PLCL1: variants seen among roughly 807,000 people sequenced by gnomAD.
PLCL1 encodes the protein phospholipase C like 1 (inactive).
Under a neutral mutation model 84.4 loss-of-function variants are expected in PLCL1, and 41 were observed. That is an observed-to-expected ratio of 0.49 (90% CI 0.38 to 0.63). PLCL1 has a LOEUF of 0.63. Among genes scored for constraint, PLCL1 ranks in the 30% least tolerant of loss-of-function variants. The pLI, the probability that PLCL1 is intolerant of heterozygous loss-of-function variation, is 0.00. For missense variants in PLCL1, 1,206 were observed against 1,367.8 expected (o/e 0.88, Z 1.87); for synonymous variants, 490 against 488.3 (o/e 1.00, Z -0.05).
chr2:198,017,993 C>A (rs1379724467), intron 1 of PLCL1, among the ~76,000 whole-genome samples: 1 of 152,180 alleles, frequency 6.6e-6, no homozygotes, highest in African/African-American at 2.4e-5. Context: ...GAGACCAACA[C>A]AGAAGGCGGG....
intron 1 of PLCL1, among the ~76,000 whole-genome samples, chr2:197,885,517 C>A (rs1687904713): frequency 6.6e-6 from 1 of 152,150 alleles, no homozygotes; most frequent in African/African-American, 2.4e-5. Flanking sequence ...TTTACCGAGT[C>A]CACTGATTCC....
At chr2:198,051,882 G>A (rs1315624444) in intron 1 of PLCL1, among the ~76,000 whole-genome samples, 1 of 151,404 alleles carries the variant, frequency 6.6e-6, no homozygotes, top group Non-Finnish European at 1.5e-5. Context: ...ACAGGCATGT[G>A]CCACCACGGC....
chr2:198,127,718 G>A (rs759790335), intron 5 of PLCL1, among the ~76,000 whole-genome samples: 59 of 152,082 alleles, frequency 3.9e-4, no homozygotes, highest in Non-Finnish European at 8.2e-4. Flanking sequence ...GAATGACTTA[G>A]GTGCAAATCT....
At chr2:197,845,310 A>C (rs1019294121) in intron 1 of PLCL1, among the ~76,000 whole-genome samples, 1 of 152,098 alleles carries the variant, frequency 6.6e-6, no homozygotes, top group African/African-American at 2.4e-5. Context: ...TGTGTAATTG[A>C]AGAGGGGTAA....
At chr2:197,964,367 A>T (rs1185702841) in intron 1 of PLCL1, among the ~76,000 whole-genome samples, 2 of 152,078 alleles carry the variant, frequency 1.3e-5, no homozygotes, top group Non-Finnish European at 2.9e-5. Context: ...GCTAATATAA[A>T]TGGGATTGCT....
intron 1 of PLCL1, among the ~76,000 whole-genome samples, chr2:198,053,522 C>T (rs910246954): frequency 1.3e-5 from 2 of 152,220 alleles, no homozygotes; most frequent in Non-Finnish European, 2.9e-5. Flanking sequence ...TGTTAGCCTC[C>T]GGGTTGCCTC....
chr2:197,933,242 G>A lies in PLCL1; in HGVS notation c.240+127903G>A, dbSNP rs185421531. On this transcript the variant is annotated intron_variant, in intron 1 of 5. Transcript: ENST00000428675. ...TTCCTGACTCCCATCTGATGTTTGT[G>A]TTGTTTCTTTTTTTTTTCTTTTCTT... Among the ~76,000 whole-genome samples the A allele has an allele frequency of 4.5e-4, 66 of 145,426 alleles. No individual in the cohort carries two copies. The East Asian group carries it at 0.011, about 24-fold the overall frequency.
intron 1 of PLCL1, among the ~76,000 whole-genome samples, chr2:197,913,540 T>A (rs1435904277): frequency 2.0e-5 from 3 of 152,224 alleles, no homozygotes; most frequent in African/African-American, 4.8e-5. Context: ...CCACTACGCA[T>A]TCCCCTACCA....
chr2:198,142,009 TCTC>T (rs1694399596), intron 5 of PLCL1, among the ~76,000 whole-genome samples: 1 of 152,152 alleles, frequency 6.6e-6, no homozygotes, highest in African/African-American at 2.4e-5. Flanking sequence ...GTTATGATGT[TCTC>T]CTGCTCTTTT....
At chr2:197,945,558 G>A (rs1323057744) in intron 1 of PLCL1, among the ~76,000 whole-genome samples, 2 of 152,160 alleles carry the variant, frequency 1.3e-5, no homozygotes, top group Admixed American at 1.3e-4. Context: ...TAACATAGTG[G>A]TGAAGGCATG....
chr2:198,017,183 A>G (rs1574249058), intron 1 of PLCL1, among the ~76,000 whole-genome samples: 2 of 152,220 alleles, frequency 1.3e-5, no homozygotes, highest in Non-Finnish European at 2.9e-5. Flanking sequence ...CCCATTTAAC[A>G]TGCTCCAAAA....
intron 1 of PLCL1, among the ~76,000 whole-genome samples, chr2:198,015,235 GT>G: frequency 6.6e-6 from 1 of 151,868 alleles, no homozygotes; most frequent in African/African-American, 2.4e-5. Context: ...TTTCTATCTT[GT>G]TCATTTTAGG....
At chr2:197,872,552 TA>T (rs1687666363) in intron 1 of PLCL1, among the ~76,000 whole-genome samples, 1 of 152,170 alleles carries the variant, frequency 6.6e-6, no homozygotes, top group Admixed American at 6.5e-5. Flanking sequence ...TACCATTTAC[TA>T]GATTGTGATC....
chr2:198,098,145 G>A (rs997763484), intron 3 of PLCL1, among the ~76,000 whole-genome samples: 1 of 152,140 alleles, frequency 6.6e-6, no homozygotes, highest in Non-Finnish European at 1.5e-5. Context: ...TAGAAGGAAA[G>A]TAAGAGCTAG....
intron 1 of PLCL1, among the ~76,000 whole-genome samples, chr2:197,943,374 A>G (rs1038411945): frequency 2.0e-5 from 3 of 152,212 alleles, no homozygotes; most frequent in South Asian, 4.1e-4. Flanking sequence ...ACACACATAC[A>G]TATTTCTTCA....
chr2:197,899,784 C>G (rs1037003545), intron 1 of PLCL1, among the ~76,000 whole-genome samples: 2 of 151,458 alleles, frequency 1.3e-5, no homozygotes, highest in Non-Finnish European at 2.9e-5. Context: ...TACAGGCGCC[C>G]GCTACCACGC....
intron 1 of PLCL1, among the ~76,000 whole-genome samples, chr2:197,894,808 T>G (rs1688101499): frequency 6.6e-6 from 1 of 151,990 alleles, no homozygotes; most frequent in Admixed American, 6.6e-5. Flanking sequence ...TGGAGTCAGA[T>G]GGACTTGTGC....
chr2:197,864,220 C>A (rs1484305749), intron 1 of PLCL1, among the ~76,000 whole-genome samples: 1 of 152,022 alleles, frequency 6.6e-6, no homozygotes, highest in East Asian at 1.9e-4. Context: ...CTGTCCCCTG[C>A]CAATTTCAGT....
chr2:198,118,832 C>G (rs555802101), intron 5 of PLCL1, among the ~76,000 whole-genome samples: 14 of 152,120 alleles, frequency 9.2e-5, no homozygotes, highest in African/African-American at 3.4e-4. Flanking sequence ...ATTTTTCTGT[C>G]TCTAACCTTT....
Sources: allele counts gnomAD v4.1 joint callset (sites outside exome capture counted in the v4.1 genomes callset), GRCh38; gene constraint gnomAD v4.1.1; transcripts MANE v1.5; gene names NCBI Gene and HGNC (gene_info 2026-07-23, HGNC 2026-07-21).